The following RARS1 variants were observed in gnomAD, a reference collection of about 807,000 sequenced individuals.
The protein encoded by RARS1 is arginine--tRNA ligase, cytoplasmic.
RARS1 carries 75 observed loss-of-function variants against 78.7 expected under a neutral mutation model. The ratio of observed to expected loss-of-function variants is 0.95; its 90% CI spans 0.79 to 1.15. The LOEUF (loss-of-function observed/expected upper bound fraction) is 1.15, where lower values mean the gene tolerates loss of function less well. Among genes scored for constraint, RARS1 ranks in the 50% most tolerant of loss-of-function variants. RARS1 has a pLI of 0.00. For missense variants in RARS1, 787 were observed against 787.5 expected, an observed-to-expected ratio of 1.00 and a Z score of 0.01; for synonymous variants, 273 against 268.2, an observed-to-expected ratio of 1.02 and a Z score of -0.18.
chr5:168,511,592 G>A (rs1282577079), intron 12 of RARS1, among the ~76,000 whole-genome samples: 1 of 152,160 alleles, frequency 6.6e-6, no homozygotes, highest in East Asian at 1.9e-4. Context: ...TCATCTAGCT[G>A]TTTGTTAGTC....
chr5:168,516,877 T>C lies in RARS1; in HGVS notation c.1552T>C (p.Phe518Leu). ...LSHNRLNDYI[F>L]SFDKMLDDRG... ...CCATAACCGGTTGAATGACTACATC[T>C]TCTCCTTTGACAAAATGCTAGATGA... is the stretch of plus-strand genomic sequence containing the variant. Residue 518 changes from phenylalanine to leucine, a missense_variant, in exon 13 of 15, where the codon TTC (phenylalanine) becomes CTC (leucine). Coordinates refer to ENST00000231572, the MANE Select transcript of RARS1 (RefSeq NM_002887.4). 6.2e-7 allele frequency: 1 copy of C among 1,614,192 alleles called. No homozygotes were observed. Among genetic ancestry groups the C allele is most frequent in the Non-Finnish European group, 8.5e-7 (1 of 1,180,004 alleles).
chr5:168,500,495 GTGTT>G (rs761352601), intron 7 of RARS1, 92 bp from the exon 8 acceptor site: 243 of 1,186,516 alleles, frequency 2.0e-4, no homozygotes, highest in Admixed American at 1.1e-3. Flanking sequence ...CTTTCTCACT[GTGTT>G]TGTGTGTGTA....
chr5:168,495,419 A>G lies in RARS1; in HGVS notation c.684A>G (p.Ala228=). 6.2e-7 allele frequency: 1 copy of G among 1,613,780 alleles called. No individual in the cohort carries two copies. ...GESISRLFEF[A]GYDVLRLNHV... Reference sequence around the variant, plus strand: ...GTATAAGCCGCCTCTTTGAATTTGCAGGGTATGACGTGCTCAGGTATGTGC... The same window carrying G: ...GTATAAGCCGCCTCTTTGAATTTGCGGGGTATGACGTGCTCAGGTATGTGC... The change falls in exon 6 of 15, where the codon GCA becomes GCG. Residue 228 remains alanine, a synonymous_variant. Transcript: ENST00000231572.
At chr5:168,498,287 T>TTTAGAGGTTTATTAATC (rs1758242317) in intron 7 of RARS1, among the ~76,000 whole-genome samples, 2 of 152,066 alleles carry the variant, frequency 1.3e-5, no homozygotes, top group South Asian at 4.2e-4. Flanking sequence ...CCACATTGAA[T>TTTAGAGGTTTATTAATC]TTAGAGGTTT....
At chr5:168,495,898 C>T (rs922854598) in intron 6 of RARS1, among the ~76,000 whole-genome samples, 24 of 152,102 alleles carry the variant, frequency 1.6e-4, no homozygotes, top group South Asian at 4.1e-4. Context: ...CCTATAATTC[C>T]AGCACTTTGG....
Position 168,500,588 on chromosome 5 carries a change from C to T in RARS1, c.823-3C>T, listed in dbSNP as rs1479176065. The T allele has an allele frequency of 2.7e-6, 4 of 1,500,784 alleles. No homozygotes were observed. The highest frequency in any genetic ancestry group is 2.7e-5 in the Admixed American group (1 of 37,532). The allele number at this position is 1,500,784 out of a possible 1,614,324, so 93.0% of individuals were successfully genotyped here. ...TTACTTTTTAAAATATATATATATA[C>T]AGGAATCTAAGAAGAGGTTTGATAC... On this transcript the variant is annotated splice_polypyrimidine_tract_variant and splice_region_variant and intron_variant, in intron 7 of 14. Transcript: ENST00000231572.
intron 13 of RARS1, 70 bp downstream of exon 13, chr5:168,517,020 C>CTTTTT: frequency 8.6e-7 from 1 of 1,167,846 alleles, no homozygotes; most frequent in South Asian, 1.6e-5. Flanking sequence ...AAAATATTTT[C>CTTTTT]TTTTTTTTTT....
chr5:168,487,935 A>G (rs1259844935), intron 1 of RARS1, among the ~76,000 whole-genome samples: 1 of 152,142 alleles, frequency 6.6e-6, no homozygotes, highest in Non-Finnish European at 1.5e-5. Context: ...GGGTTTTTTA[A>G]GAGTCCCAGG....
chr5:168,496,792 T>C (rs1758200704), intron 6 of RARS1, among the ~76,000 whole-genome samples: 1 of 152,186 alleles, frequency 6.6e-6, no homozygotes, highest in South Asian at 2.1e-4. Context: ...CCTCAACATA[T>C]ATTTTCAAGA....
intron 9 of RARS1, among the ~76,000 whole-genome samples, chr5:168,505,558 C>A (rs1758422928): frequency 6.6e-6 from 1 of 151,998 alleles, no homozygotes; most frequent in Non-Finnish European, 1.5e-5. Flanking sequence ...TCTGGTCCTA[C>A]CGAGCTGATG....
intron 9 of RARS1, among the ~76,000 whole-genome samples, chr5:168,504,957 G>C (rs1758407281): frequency 6.6e-6 from 1 of 152,190 alleles, no homozygotes; most frequent in African/African-American, 2.4e-5. Context: ...CTGCATGACA[G>C]AGAAAGACCT....
intron 1 of RARS1, among the ~76,000 whole-genome samples, chr5:168,486,981 A>G (rs1757977677): frequency 6.6e-6 from 1 of 152,118 alleles, no homozygotes; most frequent in Non-Finnish European, 1.5e-5. Flanking sequence ...GAGGATTCCT[A>G]ATAAGCCCAT....
rs867396635 is a variant in RARS1 at position 168,502,474 on chromosome 5, G to A, written c.1057+369G>A. 1.8e-4 allele frequency among the ~76,000 whole-genome samples: 26 copies of A among 148,126 alleles called. 1 individual carries two copies. The highest frequency in any genetic ancestry group is 3.6e-3 in the Middle Eastern group (1 of 280). ...GATCCTCCCACCTCGGCCTCCCAGAGTGCTGGGATTATAGACATGAACTAC... is the reference window on the plus strand; with the variant it reads ...GATCCTCCCACCTCGGCCTCCCAGAATGCTGGGATTATAGACATGAACTAC... On this transcript the variant is annotated intron_variant, in intron 9 of 14. Transcript: ENST00000231572.
At chr5:168,510,553 A>C (rs1758543431) in intron 11 of RARS1, 28 bp from the exon 12 acceptor site, 1 of 1,536,536 alleles carries the variant, frequency 6.5e-7, no homozygotes, top group Non-Finnish European at 8.9e-7. Flanking sequence ...CTGTTTCAAA[A>C]TCTGATTGGG....
intron 11 of RARS1, among the ~76,000 whole-genome samples, chr5:168,507,856 A>G (rs28483077): frequency 0.19 from 27,826 of 149,902 alleles, 2,969 homozygotes; most frequent in East Asian, 0.52. Context: ...ACTGGGCAAC[A>G]TGGTGAAACC....
intron 5 of RARS1, 166 bp from the exon 6 acceptor site, chr5:168,495,149 A>C: frequency 8.3e-7 from 1 of 1,204,698 alleles, no homozygotes; most frequent in Admixed American, 2.6e-5. Context: ...CATAAAATCA[A>C]ACATGGTTGA....
intron 7 of RARS1, among the ~76,000 whole-genome samples, chr5:168,499,182 A>C (rs116380137): frequency 6.6e-6 from 1 of 151,092 alleles, no homozygotes; most frequent in African/African-American, 2.4e-5. Flanking sequence ...AGCCGGGCAC[A>C]CTCCTGTAGT....
chr5:168,492,860 C>T lies in RARS1; in HGVS notation c.369+13C>T. 6.3e-7 allele frequency: 1 copy of T among 1,575,994 alleles called. No homozygotes were observed. The highest frequency in any genetic ancestry group is 1.7e-5 in the Admixed American group (1 of 59,324). On this transcript the variant is annotated intron_variant, in intron 3 of 14. Transcript: ENST00000231572. ...GGGTATTTCTCAGGTGATGTATTGTCATGACTCTTGGCTGTTTGATTTTTT... is the reference window on the plus strand; with the variant it reads ...GGGTATTTCTCAGGTGATGTATTGTTATGACTCTTGGCTGTTTGATTTTTT...
Position 168,489,324 on chromosome 5 carries a change from T to C in RARS1, c.180+588T>C, listed in dbSNP as rs563932912. On this transcript the variant is annotated intron_variant, in intron 2 of 14. Transcript: ENST00000231572. The stretch of plus-strand genomic sequence containing the variant: ...GTATAACCTACTGCACCCAGCAAGG[T>C]TGAGGCATTTCTTTCAACAGTTTAT... Among the ~76,000 whole-genome samples the C allele has an allele frequency of 5.2e-4, 79 of 152,348 alleles. 1 individual carries two copies. The highest frequency in any genetic ancestry group is 1.7e-3 in the African/African-American group (70 of 41,580).
Sources: gnomAD v4.1 joint callset for allele counts (sites outside exome capture counted in the v4.1 genomes callset) on GRCh38, gnomAD v4.1.1 for gene constraint, MANE v1.5 for transcripts, NCBI Gene and HGNC (gene_info 2026-07-23, HGNC 2026-07-21) for gene names.